The following PDSS1 variants were observed in gnomAD, a reference collection of about 807,000 sequenced individuals.
The protein encoded by PDSS1 is decaprenyl diphosphate synthase subunit 1.
A neutral mutation model predicts 57.5 loss-of-function variants in PDSS1; 43 were observed. The ratio of observed to expected loss-of-function variants is 0.75; its 90% CI spans 0.59 to 0.96. The LOEUF is 0.96. Among genes scored for constraint, PDSS1 ranks in the 50% least tolerant of loss-of-function variants. PDSS1 has a pLI of 0.00. For synonymous variants in PDSS1, 175 were observed against 191.3 expected, an observed-to-expected ratio of 0.91 and a Z score of 0.70; for missense variants, 438 against 527.8, an observed-to-expected ratio of 0.83 and a Z score of 1.67.
chr10:26,742,827 A>C (rs778971649), intron 11 of PDSS1, among the ~76,000 whole-genome samples: 68 of 152,288 alleles, frequency 4.5e-4, no homozygotes, highest in Non-Finnish European at 8.2e-4. Flanking sequence ...ATATCTTTTA[A>C]AAGGTACCTA....
At chr10:26,722,898 CTTTT>C (rs751637147) in intron 6 of PDSS1, among the ~76,000 whole-genome samples, 2 of 143,498 alleles carry the variant, frequency 1.4e-5, no homozygotes, top group African/African-American at 2.6e-5. Context: ...AATGGAAAAA[CTTTT>C]TTTTTTTTTT....
Position 26,743,188 on chromosome 10 carries a change from G to A in PDSS1, c.1107+611G>A, listed in dbSNP as rs1034517021. Among the ~76,000 whole-genome samples the A allele has an allele frequency of 2.0e-5, 3 of 152,180 alleles. No individual in the cohort carries two copies. The East Asian group carries it at 5.8e-4, about 29-fold the overall frequency. On this transcript the variant is annotated intron_variant, in intron 11 of 11. Transcript: ENST00000376215. ...TGGCTTGCTTTAAATATATTGCCACGTATCTTCAGAACTTTTCTGTGGAAG... is the reference window on the plus strand; with the variant it reads ...TGGCTTGCTTTAAATATATTGCCACATATCTTCAGAACTTTTCTGTGGAAG...
intron 5 of PDSS1, among the ~76,000 whole-genome samples, chr10:26,716,975 T>C (rs1030616205): frequency 1.3e-5 from 2 of 152,018 alleles, no homozygotes; most frequent in Admixed American, 6.6e-5. Context: ...CAGTGTGAGG[T>C]TTTTCTGTAA....
At chr10:26,728,029 A>G (rs3118153) in intron 8 of PDSS1, among the ~76,000 whole-genome samples, 131,408 of 152,176 alleles carry the variant, frequency 0.86, 56,786 homozygotes, top group East Asian at 0.93. Context: ...TGTCTGTCCC[A>G]TTACTGGTGA....
In PDSS1 at chr10:26,712,463, T is replaced by C. The variant is rs147026760; in HGVS notation, c.467+2695T>C. Among the ~76,000 whole-genome samples, 236 of 99,366 alleles carry C rather than the reference T, an allele frequency of 2.4e-3. 62 individuals carry two copies. Among genetic ancestry groups the C allele is most frequent in the African/African-American group, 7.2e-3 (220 of 30,640 alleles). The allele number at this position is 99,366 out of a possible 152,430, so 65.2% of individuals were successfully genotyped here. A position where few individuals can be genotyped will look rare whatever the true frequency, so the allele number is the denominator to read the frequency against. On this transcript the variant is annotated intron_variant, in intron 5 of 11. Transcript: ENST00000376215. Reference sequence around the variant, plus strand: ...GCAGCCTTATTCTCCCTATAAGTGATTGGAGCAGGGCTTAGGAAAGTCACA... The same window carrying C: ...GCAGCCTTATTCTCCCTATAAGTGACTGGAGCAGGGCTTAGGAAAGTCACA...
At chr10:26,722,898 CTTT>C (rs751637147) in intron 6 of PDSS1, among the ~76,000 whole-genome samples, 6 of 143,536 alleles carry the variant, frequency 4.2e-5, no homozygotes, top group African/African-American at 2.6e-5. Flanking sequence ...AATGGAAAAA[CTTT>C]TTTTTTTTTT....
chr10:26,741,935 C>T (rs191912254), intron 10 of PDSS1, among the ~76,000 whole-genome samples: 96 of 152,288 alleles, frequency 6.3e-4, no homozygotes, highest in East Asian at 9.6e-4. Context: ...AGTGCAATGG[C>T]GCAATCTCGG....
intron 5 of PDSS1, among the ~76,000 whole-genome samples, chr10:26,712,001 C>CTTTTTTT (rs543847648): frequency 3.9e-4 from 24 of 61,894 alleles, no homozygotes; most frequent in Non-Finnish European, 6.1e-4. Flanking sequence ...TTTTCTTTTT[C>CTTTTTTT]TTTTTTTTTT....
intron 11 of PDSS1, among the ~76,000 whole-genome samples, chr10:26,744,287 T>G (rs1366629746): frequency 2.0e-5 from 3 of 152,212 alleles, no homozygotes; most frequent in Non-Finnish European, 4.4e-5. Flanking sequence ...ATTTTAAACC[T>G]AGGATCCATT....
At chr10:26,741,034 C>A (rs1445587886) in intron 10 of PDSS1, among the ~76,000 whole-genome samples, 1 of 149,702 alleles carries the variant, frequency 6.7e-6, no homozygotes, top group African/African-American at 2.5e-5. Flanking sequence ...CCTGTTTGTT[C>A]TGTCTACCTC....
chr10:26,734,676 G>C (rs556319495), intron 8 of PDSS1: 1 of 456,290 alleles, frequency 2.2e-6, no homozygotes, highest in Non-Finnish European at 4.4e-6. Context: ...CAGGAGGCTT[G>C]AGATGATTTT....
chr10:26,732,294 G>C (rs1836235050), intron 8 of PDSS1, among the ~76,000 whole-genome samples: 1 of 152,204 alleles, frequency 6.6e-6, no homozygotes, highest in African/African-American at 2.4e-5. Flanking sequence ...GGACTCTCTG[G>C]CATGGTCTTT....
At chr10:26,723,660 C>A in intron 6 of PDSS1, 146 bp from the exon 7 acceptor site, 1 of 721,662 alleles carries the variant, frequency 1.4e-6, no homozygotes, top group Non-Finnish European at 2.5e-6. Flanking sequence ...GTTACGGACT[C>A]CTGTTGAGGA....
At chr10:26,713,467 A>G (rs115325350) in intron 5 of PDSS1, among the ~76,000 whole-genome samples, 348 of 152,300 alleles carry the variant, frequency 2.3e-3, no homozygotes, top group African/African-American at 7.8e-3. Context: ...AATGTTCCCT[A>G]CTAGATTACG....
At chr10:26,737,751 A>G (rs1836454024) in intron 10 of PDSS1, among the ~76,000 whole-genome samples, 1 of 140,596 alleles carries the variant, frequency 7.1e-6, no homozygotes, top group African/African-American at 2.8e-5. Context: ...AAAAAAAAAA[A>G]GGCTGGTTAA....
At chr10:26,739,180 G>C (rs756828230) in intron 10 of PDSS1, among the ~76,000 whole-genome samples, 1 of 152,174 alleles carries the variant, frequency 6.6e-6, no homozygotes, top group African/African-American at 2.4e-5. Flanking sequence ...ACTAGTTGGT[G>C]CCTTAGTGTT....
In PDSS1 at chr10:26,724,542, G is replaced by C. The variant is rs569869039; in HGVS notation, c.831+419G>C. On this transcript the variant is annotated intron_variant, in intron 8 of 11. Transcript: ENST00000376215. ...CTCAGGAAAAGATATCTGTTAGATTGTACTAGCATTCTATGAACTTTTTTT... is the reference window on the plus strand; with the variant it reads ...CTCAGGAAAAGATATCTGTTAGATTCTACTAGCATTCTATGAACTTTTTTT... 2.0e-5 allele frequency among the ~76,000 whole-genome samples: 3 copies of C among 152,186 alleles called. No homozygotes were observed. The East Asian group carries it at 5.8e-4, about 29-fold the overall frequency.
At chr10:26,739,928 G>A (rs1383846302) in intron 10 of PDSS1, among the ~76,000 whole-genome samples, 7 of 152,276 alleles carry the variant, frequency 4.6e-5, no homozygotes, top group South Asian at 2.1e-4. Flanking sequence ...GGCAGATCAC[G>A]AGGTTAGGAG....
At chr10:26,735,620 C>G in intron 10 of PDSS1, 41 bp downstream of exon 10, 1 of 1,098,692 alleles carries the variant, frequency 9.1e-7, no homozygotes, top group Non-Finnish European at 1.4e-6. Flanking sequence ...ACTGCATAGC[C>G]CCACAGAACT....
Sources: gnomAD v4.1 joint callset for allele counts (sites outside exome capture counted in the v4.1 genomes callset) on GRCh38, gnomAD v4.1.1 for gene constraint, MANE v1.5 for transcripts, NCBI Gene and HGNC (gene_info 2026-07-23, HGNC 2026-07-21) for gene names.